Variants in CSMD3 observed in about 807,000 individuals in gnomAD.
CSMD3 encodes the protein CUB and Sushi multiple domains 3, also known as CUB and sushi domain-containing protein 3.
In CSMD3, 177 loss-of-function variants were observed where a neutral mutation model predicts 435.2. The observed-to-expected ratio is 0.41, with a 90% CI of 0.36 to 0.46. The LOEUF (loss-of-function observed/expected upper bound fraction) is 0.46. Ranked by LOEUF, CSMD3 falls within the 20% of genes least tolerant of loss-of-function variation. The pLI is 0.34. For missense variants in CSMD3, 4,265 were observed against 4,504.6 expected (o/e 0.95, Z 1.52); for synonymous variants, 1,656 against 1,520.5 (o/e 1.09, Z -2.07).
chr8:112,228,797 T>G lies in CSMD3; in HGVS notation c.10923A>C (p.Ala3641=). 4 of 1,591,090 alleles carry G rather than the reference T, an allele frequency of 2.5e-6. No homozygotes were observed. Among genetic ancestry groups the G allele is most frequent in the Non-Finnish European group, 3.4e-6 (4 of 1,159,632 alleles). The change falls in exon 70 of 71, where the codon GCA becomes GCC. Residue 3641 remains alanine (A), a synonymous_variant. Coordinates refer to ENST00000297405, the MANE Select transcript of CSMD3 (RefSeq NM_198123.2). ...VAIAILVPFF[A]LIFAGFGFYL... ...AAAATCCAAATCCTGCAAATATAAG[T>G]GCAAAAAAAGGCACAAGAATAGCAA...
intron 27 of CSMD3, among the ~76,000 whole-genome samples, chr8:112,517,739 A>G (rs1823829879): frequency 6.6e-6 from 1 of 152,182 alleles, no homozygotes; most frequent in Admixed American, 6.6e-5. Context: ...AATTGGCTCA[A>G]TTTTTTAAAA....
chr8:112,329,914 A>T (rs749071662), intron 45 of CSMD3, among the ~76,000 whole-genome samples: 13 of 152,030 alleles, frequency 8.6e-5, no homozygotes, highest in Non-Finnish European at 1.3e-4. Context: ...TTTTATACAC[A>T]CATATACACA....
intron 32 of CSMD3, 80 bp from the exon 33 acceptor site, chr8:112,409,112 G>C: frequency 6.3e-7 from 1 of 1,599,766 alleles, no homozygotes; most frequent in Non-Finnish European, 8.5e-7. Context: ...AATAGAAAGA[G>C]GAGGAGAGAG....
intron 12 of CSMD3, among the ~76,000 whole-genome samples, chr8:112,827,020 C>T (rs2132462725): frequency 6.6e-6 from 1 of 151,414 alleles, no homozygotes; most frequent in South Asian, 2.1e-4. Context: ...ATGGTTCAAA[C>T]ACACATTTTT....
intron 8 of CSMD3, among the ~76,000 whole-genome samples, chr8:112,951,991 A>C (rs1489598638): frequency 6.6e-6 from 1 of 151,780 alleles, no homozygotes; most frequent in African/African-American, 2.4e-5. Context: ...AGCCTACTAA[A>C]GAATTTGGAA....
intron 36 of CSMD3, among the ~76,000 whole-genome samples, chr8:112,388,677 T>G (rs1830163148): frequency 6.6e-6 from 1 of 152,188 alleles, no homozygotes; most frequent in Admixed American, 6.5e-5. Context: ...ACATATGTTT[T>G]GCAGCTTAGG....
At chr8:113,313,105 T>C (rs558215167) in intron 2 of CSMD3, 2 of 152,244 alleles carry the variant, frequency 1.3e-5, no homozygotes, top group South Asian at 4.2e-4. Flanking sequence ...CATACACATT[T>C]TCTCGTAATA....
Position 112,453,462 on chromosome 8 carries a change from A to G in CSMD3, c.5395+19129T>C, listed in dbSNP as rs567401935. Among the ~76,000 whole-genome samples, 8 of 152,210 alleles carry G rather than the reference A, an allele frequency of 5.3e-5. No homozygotes were observed. In the South Asian group the frequency reaches 1.7e-3, roughly 32 times the overall value. ...ACAAAAATCTGTAGCATTCCTATAC[A>G]CCAATAACGTTCAAGCTGAGAGCCA... On this transcript the variant is annotated intron_variant, in intron 32 of 70. Transcript: ENST00000297405.
intron 10 of CSMD3, among the ~76,000 whole-genome samples, chr8:112,884,862 G>T (rs2081547471): frequency 6.6e-6 from 1 of 151,718 alleles, no homozygotes; most frequent in Non-Finnish European, 1.5e-5. Flanking sequence ...ACTCAAGAAA[G>T]AAATAAAAAT....
chr8:112,645,421 A>G (rs886925690), intron 19 of CSMD3, among the ~76,000 whole-genome samples, 196 bp from the exon 20 acceptor site: 1 of 152,204 alleles, frequency 6.6e-6, no homozygotes, highest in African/African-American at 2.4e-5. Flanking sequence ...AGTCCCCAAG[A>G]GAACATGGCT....
At position 112,670,916 on chromosome 8, in the gene CSMD3, A is replaced by G. The variant is rs74962195; in HGVS notation, c.2678-4501T>C. On this transcript the variant is annotated intron_variant, in intron 16 of 70. Transcript: ENST00000297405. ...GAATATTTAGAGGAAAAAATGAAAG[A>G]TGATTGAATATGCAACCCTTTGAAA... is the stretch of plus-strand genomic sequence containing the variant. Among the ~76,000 whole-genome samples the G allele has an allele frequency of 9.1e-3, 1,386 of 152,234 alleles. 66 individuals are homozygous for G. In the East Asian group the frequency reaches 0.12, roughly 14 times the overall value.
intron 11 of CSMD3, among the ~76,000 whole-genome samples, chr8:112,834,245 CTT>C (rs1015498043): frequency 8.6e-5 from 13 of 151,910 alleles, no homozygotes; most frequent in Non-Finnish European, 1.8e-4. Flanking sequence ...TTTTTAGACA[CTT>C]AATAATTCTT....
chr8:113,264,502 C>T (rs1250108679), intron 3 of CSMD3, among the ~76,000 whole-genome samples: 2 of 151,142 alleles, frequency 1.3e-5, no homozygotes. Flanking sequence ...TTTATGCCAT[C>T]CCATCTTTTT....
At chr8:112,581,319 T>C (rs1316963383) in intron 23 of CSMD3, among the ~76,000 whole-genome samples, 2 of 152,020 alleles carry the variant, frequency 1.3e-5, no homozygotes, top group Admixed American at 6.6e-5. Context: ...AATAGGTGTG[T>C]AGAAAAATAA....
At chr8:113,391,486 T>A (rs1412225231) in intron 1 of CSMD3, among the ~76,000 whole-genome samples, 1 of 152,060 alleles carries the variant, frequency 6.6e-6, no homozygotes, top group Non-Finnish European at 1.5e-5. Context: ...AGAACAGCAA[T>A]GTCATAACTG....
At chr8:113,011,382 A>G (rs2086249948) in intron 6 of CSMD3, among the ~76,000 whole-genome samples, 1 of 151,826 alleles carries the variant, frequency 6.6e-6, no homozygotes, top group Non-Finnish European at 1.5e-5. Flanking sequence ...CCAATGTAGA[A>G]TAGTTTGTTC....
At chr8:112,986,611 C>T (rs1417107904) in intron 6 of CSMD3, among the ~76,000 whole-genome samples, 2 of 152,056 alleles carry the variant, frequency 1.3e-5, no homozygotes, top group Admixed American at 6.6e-5. Flanking sequence ...TATAAAAATA[C>T]ATGTTCTATA....
chr8:112,477,519 A>G (rs1819175925), intron 31 of CSMD3, among the ~76,000 whole-genome samples: 1 of 151,950 alleles, frequency 6.6e-6, no homozygotes. Context: ...GGTCATGGGG[A>G]CAGATCCCTC....
intron 3 of CSMD3, among the ~76,000 whole-genome samples, chr8:113,212,061 A>G (rs942222565): frequency 6.6e-6 from 1 of 152,202 alleles, no homozygotes; most frequent in Non-Finnish European, 1.5e-5. Context: ...AAAGCTAGGC[A>G]TTTATACCTT....
Sources: allele counts gnomAD v4.1 joint callset (sites outside exome capture counted in the v4.1 genomes callset), GRCh38; gene constraint gnomAD v4.1.1; transcripts MANE v1.5; gene names NCBI Gene and HGNC (gene_info 2026-07-23, HGNC 2026-07-21).